LRCH3: variants seen among roughly 807,000 people sequenced by gnomAD.
LRCH3 encodes DISP complex protein LRCH3.
Under a neutral mutation model 104.5 loss-of-function variants are expected in LRCH3, and 68 were observed. That is an observed-to-expected ratio of 0.65 (90% confidence interval 0.54 to 0.80). The LOEUF is 0.80. Ranked by LOEUF, LRCH3 falls within the 30% of genes least tolerant of loss-of-function variation. LRCH3 has a pLI of 0.00. For synonymous variants in LRCH3, 344 were observed against 361.3 expected, an observed-to-expected ratio of 0.95 and a Z score of 0.54; for missense variants, 951 against 953.9, an observed-to-expected ratio of 1.00 and a Z score of 0.04.
Position 197,810,257 on chromosome 3 carries a change from A to G in LRCH3, c.263-4651A>G, listed in dbSNP as rs747322086. 1.1e-4 allele frequency among the ~76,000 whole-genome samples: 16 copies of G among 152,148 alleles called. No homozygotes were observed. Among genetic ancestry groups the G allele is most frequent in the Non-Finnish European group, 2.4e-4 (16 of 68,010 alleles). ...CTGCAGCCTCCGCCTCCTGGGTTCA[A>G]AGGATTCTCCTGCCTCAGCCTCCTG... On this transcript the variant is annotated intron_variant, in intron 1 of 20. Coordinates refer to ENST00000425562, the MANE Select transcript of LRCH3 (RefSeq NM_001365715.1). The surrounding 1 kb of genome is among the most constrained non-coding windows in gnomAD (Gnocchi z 4.0).
At chr3:197,817,141 C>G (rs1207991822) in intron 2 of LRCH3, 35 bp from the exon 3 acceptor site, 1 of 1,570,874 alleles carries the variant, frequency 6.4e-7, no homozygotes, top group Non-Finnish European at 8.6e-7. Context: ...CAGTGGTGGA[C>G]TCTGATTCTT....
At position 197,813,527 on chromosome 3, in the gene LRCH3, T is replaced by C. The variant is rs1353264052; in HGVS notation, c.263-1381T>C. Reference sequence around the variant, plus strand: ...GGCATATAATTTTTTTTTTTTTTTTTTTTTTTTTTTTTTTTTTTTTTGAGA... The same window carrying C: ...GGCATATAATTTTTTTTTTTTTTTTCTTTTTTTTTTTTTTTTTTTTTGAGA... On this transcript the variant is annotated intron_variant, in intron 1 of 20. Coordinates refer to ENST00000425562, the MANE Select transcript of LRCH3 (RefSeq NM_001365715.1). 1.1e-3 allele frequency among the ~76,000 whole-genome samples: 128 copies of C among 114,826 alleles called. 4 individuals carry two copies. Among genetic ancestry groups the C allele is most frequent in the Admixed American group, 1.6e-3 (19 of 11,650 alleles). 75.3% of individuals were successfully genotyped at this position (114,826 alleles called of 152,430 possible).
chr3:197,858,421 T>C (rs1159471721), intron 14 of LRCH3, among the ~76,000 whole-genome samples: 2 of 152,098 alleles, frequency 1.3e-5, no homozygotes, highest in Admixed American at 6.6e-5. Context: ...TTATAATATA[T>C]ATAATTTGGA....
At chr3:197,849,620 A>G (rs1008963499) in intron 12 of LRCH3, among the ~76,000 whole-genome samples, 3 of 152,178 alleles carry the variant, frequency 2.0e-5, no homozygotes, top group Admixed American at 2.0e-4. Context: ...CTTGAAACTA[A>G]CGGAAATACT....
intron 4 of LRCH3, among the ~76,000 whole-genome samples, chr3:197,821,664 A>G (rs1734504940): frequency 6.6e-6 from 1 of 152,190 alleles, no homozygotes; most frequent in African/African-American, 2.4e-5. Flanking sequence ...TATGACTTAC[A>G]GTGTACAATC....
intron 12 of LRCH3, among the ~76,000 whole-genome samples, chr3:197,850,078 A>AG (rs1209763957): frequency 2.6e-5 from 4 of 152,252 alleles, no homozygotes; most frequent in African/African-American, 9.6e-5. Context: ...GATGGTGTAA[A>AG]GGGGGGTTCG....
At chr3:197,864,610 C>CA (rs541948003) in intron 15 of LRCH3, among the ~76,000 whole-genome samples, 1,430 of 95,516 alleles carry the variant, frequency 0.015, 51 homozygotes, top group Middle Eastern at 0.032. Flanking sequence ...AACTCCATCT[C>CA]AAAAAAAAAA....
In LRCH3 at chr3:197,866,113, TCA is replaced by T. The variant is rs1741454152; in HGVS notation, c.1768_1769del (p.His590SerfsTer20). The T allele has an allele frequency of 6.2e-7, 1 of 1,607,422 alleles. No individual in the cohort carries two copies. Among genetic ancestry groups the T allele is most frequent in the Admixed American group, 1.7e-5 (1 of 59,980 alleles). Reference sequence around the variant, plus strand: ...ATTTTATTTTTCATGCTAATTTAGTTCATCATTCCCCTGCATATTCTTTTCCT... The same window carrying T: ...ATTTTATTTTTCATGCTAATTTAGTTTCATTCCCCTGCATATTCTTTTCCT... ...LLSSPATETVHHSPAYSFPAA... is the reference protein window; with the variant it reads ...LLSSPATETVXHSPAYSFPAA... On this transcript the variant is annotated frameshift_variant and splice_region_variant, in exon 17 of 21. Transcript: ENST00000425562. LOFTEE classifies it high-confidence loss of function.
intron 1 of LRCH3, among the ~76,000 whole-genome samples, chr3:197,812,504 G>GTTTTTTTTTGT (rs1733255636): frequency 4.1e-5 from 2 of 48,956 alleles, no homozygotes; most frequent in Non-Finnish European, 7.0e-5. Flanking sequence ...TCTGCTTTCA[G>GTTTTTTTTTGT]TTTTTTTTTT....
intron 19 of LRCH3, among the ~76,000 whole-genome samples, chr3:197,874,908 C>T (rs867158214): frequency 2.0e-5 from 3 of 151,434 alleles, no homozygotes; most frequent in South Asian, 2.1e-4. Context: ...CTGGCAGACT[C>T]GAGTGGTTGC....
intron 1 of LRCH3, among the ~76,000 whole-genome samples, chr3:197,793,129 C>T (rs552905733): frequency 1.3e-5 from 2 of 152,284 alleles, no homozygotes; most frequent in South Asian, 2.1e-4. Flanking sequence ...TTAGATTGAG[C>T]ACATTTTCTA....
rs1739484659 is a variant in LRCH3 at position 197,850,799 on chromosome 3, A to G, written c.1531-1762A>G. 9.1e-6 allele frequency: 11 copies of G among 1,215,062 alleles called. No homozygotes were observed. In the South Asian group the frequency reaches 1.2e-4, roughly 13 times the overall value. 75.3% of individuals were successfully genotyped at this position (1,215,062 alleles called of 1,614,324 possible). On this transcript the variant is annotated intron_variant, in intron 12 of 20. Transcript: ENST00000425562. ...GGAATGGTACACGCTGTTTCTGTAA[A>G]GTGACATCTTTCAGATACTTCGTGG...
At chr3:197,839,176 T>C in intron 9 of LRCH3, 145 bp from the exon 10 acceptor site, 1 of 578,346 alleles carries the variant, frequency 1.7e-6, no homozygotes. Flanking sequence ...ATGATGCTTT[T>C]AAACTTAAAG....
rs1187695579 is a variant in LRCH3 at position 197,814,941 on chromosome 3, T to C, written c.296T>C (p.Ile99Thr). The change falls in exon 2 of 21, where the codon ATA becomes ACA. Residue 99 changes from isoleucine to threonine, a missense_variant. Physicochemically the swap from Ile to Thr is moderately conservative, Grantham distance 89. Transcript: ENST00000425562. Reference protein sequence around the residue: ...LSRNRLSEIPIEACHFVSLEN... With the variant: ...LSRNRLSEIPTEACHFVSLEN... ...CGAAATCGCCTTTCAGAAATTCCTA[T>C]AGAAGCATGTCACTTTGTTTCTCTG... 6.2e-6 allele frequency: 10 copies of C among 1,600,770 alleles called. No homozygotes were observed. Among genetic ancestry groups the C allele is most frequent in the African/African-American group, 1.3e-5 (1 of 74,480 alleles).
rs543203968 is a variant in LRCH3 at position 197,824,739 on chromosome 3, C to G, written c.641-2139C>G. 5.3e-5 allele frequency among the ~76,000 whole-genome samples: 8 copies of G among 149,990 alleles called. No homozygotes were observed. In the East Asian group the frequency reaches 1.0e-3, roughly 19 times the overall value. On this transcript the variant is annotated intron_variant, in intron 4 of 20. Transcript: ENST00000425562. ...GGAGCCCGCCACCACGCCTGGCTAA[C>G]TTTTGTATTTTTAGTAGAGATGGGG...
intron 15 of LRCH3, among the ~76,000 whole-genome samples, chr3:197,859,783 T>A (rs1201824947): frequency 6.6e-6 from 1 of 152,184 alleles, no homozygotes; most frequent in Non-Finnish European, 1.5e-5. Context: ...CTTTTTTTTT[T>A]TACACAAAAT....
chr3:197,794,258 C>G (rs949272528), intron 1 of LRCH3, among the ~76,000 whole-genome samples: 4 of 152,180 alleles, frequency 2.6e-5, no homozygotes, highest in African/African-American at 9.7e-5. Context: ...TACCATGCAA[C>G]CTCTTCATAT....
rs1711997039 is a variant in LRCH3 at position 197,870,283 on chromosome 3, G to A, written c.1992+5G>A. The stretch of plus-strand genomic sequence containing the variant: ...TTAATAGACCAACTGCGTAAAGTAT[G>A]TACATTACCTTTGATTTACACTTTT... On this transcript the variant is annotated splice_donor_5th_base_variant and intron_variant, in intron 18 of 20. Transcript: ENST00000425562. 6.2e-7 allele frequency: 1 copy of A among 1,610,752 alleles called. No homozygotes were observed. Among genetic ancestry groups the A allele is most frequent in the Non-Finnish European group, 8.5e-7 (1 of 1,177,558 alleles).
At position 197,856,868 on chromosome 3, in the gene LRCH3, GATTATTAA is replaced by G. The variant is rs530785177; in HGVS notation, c.1645-1962_1645-1955del. On this transcript the variant is annotated intron_variant, in intron 14 of 20. Transcript: ENST00000425562. The surrounding 1 kb of genome is among the most constrained non-coding windows in gnomAD (Gnocchi z 4.2). ...AACATATAAATTCTGTGCATCTACT[GATTATTAA>G]ATTGTTTTGTGATGAAAAGGTCTGA... is the stretch of plus-strand genomic sequence containing the variant. Among the ~76,000 whole-genome samples the G allele has an allele frequency of 8.0e-4, 122 of 152,298 alleles. No homozygotes were observed. Among genetic ancestry groups the G allele is most frequent in the Middle Eastern group, 3.4e-3 (1 of 294 alleles).
Sources: allele counts gnomAD v4.1 joint callset (sites outside exome capture counted in the v4.1 genomes callset), GRCh38; gene constraint gnomAD v4.1.1; non-coding constraint Gnocchi (gnomAD v3.1); transcripts MANE v1.5; gene names NCBI Gene and HGNC (gene_info 2026-07-23, HGNC 2026-07-21).